The following GALNT16 variants were observed in gnomAD, a reference collection of about 807,000 sequenced individuals.
GALNT16 encodes the protein polypeptide N-acetylgalactosaminyltransferase 16.
Under a neutral mutation model 76.1 loss-of-function variants are expected in GALNT16, and 40 were observed. The ratio of observed to expected loss-of-function variants is 0.53; its 90% CI spans 0.41 to 0.68. The LOEUF is 0.68. Among genes scored for constraint, GALNT16 ranks in the 30% least tolerant of loss-of-function variants. The pLI is 0.00. For synonymous variants in GALNT16, 276 were observed against 285.2 expected, an observed-to-expected ratio of 0.97 and a Z score of 0.32; for missense variants, 621 against 731.9, an observed-to-expected ratio of 0.85 and a Z score of 1.75.
In GALNT16 at chr14:69,353,572, C is replaced by T. The variant is rs948682515; in HGVS notation, c.*1404C>T. On this transcript the variant is annotated 3_prime_UTR_variant, in exon 15 of 15. Coordinates refer to ENST00000448469, the MANE Select transcript of GALNT16 (RefSeq NM_001168368.2). ...TGGGGGTCTCCCCTACAAAGCAGAC[C>T]AGCCTGGGGCAGATATACCTACCAC... 2 of 152,240 alleles carry T rather than the reference C, an allele frequency of 1.3e-5. No individual in the cohort carries two copies. Among genetic ancestry groups the T allele is most frequent in the Non-Finnish European group, 2.9e-5 (2 of 68,090 alleles). The allele number at this position is 152,240 out of a possible 1,614,324, so 9.4% of individuals were successfully genotyped here.
intron 11 of GALNT16, among the ~76,000 whole-genome samples, chr14:69,341,239 G>A (rs1210793144): frequency 1.3e-5 from 2 of 152,120 alleles, no homozygotes; most frequent in Non-Finnish European, 2.9e-5. Context: ...TGAGGATGGC[G>A]GTGTCCCAAG....
intron 2 of GALNT16, among the ~76,000 whole-genome samples, chr14:69,323,350 T>C (rs553906010): frequency 6.6e-6 from 1 of 152,290 alleles, no homozygotes; most frequent in African/African-American, 2.4e-5. Context: ...CCCAGAGGCA[T>C]GCATGCCGAA....
At chr14:69,290,514 T>C (rs1330452098) in intron 1 of GALNT16, among the ~76,000 whole-genome samples, 2 of 152,204 alleles carry the variant, frequency 1.3e-5, no homozygotes, top group African/African-American at 4.8e-5. Context: ...GCTTTGCCCT[T>C]CGGTTTCATT....
At chr14:69,268,064 A>G (rs1471917310) in intron 1 of GALNT16, among the ~76,000 whole-genome samples, 1 of 152,124 alleles carries the variant, frequency 6.6e-6, no homozygotes, top group Non-Finnish European at 1.5e-5. Flanking sequence ...CCCTTGAAAC[A>G]TTGTCTGATG....
chr14:69,300,824 C>T (rs893690960), intron 1 of GALNT16, among the ~76,000 whole-genome samples: 1 of 152,172 alleles, frequency 6.6e-6, no homozygotes, highest in Non-Finnish European at 1.5e-5. Flanking sequence ...CCTCCCCGCC[C>T]CATCCCAAAG....
chr14:69,271,235 A>G (rs760328892), intron 1 of GALNT16, among the ~76,000 whole-genome samples: 2 of 152,170 alleles, frequency 1.3e-5, no homozygotes, highest in East Asian at 1.9e-4. Context: ...CTTCCAGACA[A>G]TGCAGCATCC....
At position 69,325,339 on chromosome 14, in the gene GALNT16, T is replaced by A; in HGVS notation, c.437T>A (p.Val146Asp). Residue 146 changes from valine to aspartate, a missense_variant and splice_region_variant, in exon 4 of 15, where the codon GTC becomes GAC. By Grantham distance (152) the Val-to-Asp change is radical. Transcript: ENST00000448469. ...RSTLLRTVKS[V>D]LNRTPANLIQ... ...CTCTGTTTCCACTGCTACTGTAGTGTCCTGAACCGAACTCCTGCCAACTTG... is the reference window on the plus strand; with the variant it reads ...CTCTGTTTCCACTGCTACTGTAGTGACCTGAACCGAACTCCTGCCAACTTG... 6.3e-7 allele frequency: 1 copy of A among 1,584,994 alleles called. No homozygotes were observed. Among genetic ancestry groups the A allele is most frequent in the Non-Finnish European group, 8.7e-7 (1 of 1,153,396 alleles).
At chr14:69,345,604 A>G (rs1269026210) in intron 12 of GALNT16, among the ~76,000 whole-genome samples, 2 of 151,798 alleles carry the variant, frequency 1.3e-5, no homozygotes, top group Non-Finnish European at 2.9e-5. Flanking sequence ...AGGCCTGGTG[A>G]CTCCTTAATC....
At chr14:69,285,302 G>A (rs1273543949) in intron 1 of GALNT16, among the ~76,000 whole-genome samples, 1 of 152,132 alleles carries the variant, frequency 6.6e-6, no homozygotes, top group African/African-American at 2.4e-5. Context: ...GGGATTGCAG[G>A]CTTGAGCCAC....
chr14:69,262,447 G>T (rs1223267123), intron 1 of GALNT16, among the ~76,000 whole-genome samples: 2 of 152,182 alleles, frequency 1.3e-5, no homozygotes, highest in Admixed American at 6.5e-5. Context: ...GAGGTCATGA[G>T]AATCACCAGT....
chr14:69,289,194 G>C (rs898526894), intron 1 of GALNT16, among the ~76,000 whole-genome samples: 11 of 152,126 alleles, frequency 7.2e-5, no homozygotes, highest in Non-Finnish European at 1.5e-4. Context: ...AAGTCTCATT[G>C]TTTTCCCTTT....
rs971128545 is a variant in GALNT16, at chr14:69,352,966, G to T, written c.*798G>T. Among the ~76,000 whole-genome samples the T allele has an allele frequency of 3.3e-5, 5 of 152,078 alleles. No individual in the cohort carries two copies. Among genetic ancestry groups the T allele is most frequent in the African/African-American group, 1.2e-4 (5 of 41,392 alleles). ...CAGAGGGATCTTTAGGGGAAGATTC[G>T]GGCGTAGTTTATTAAACAGACTCCA... is the stretch of plus-strand genomic sequence containing the variant. On this transcript the variant is annotated 3_prime_UTR_variant, in exon 15 of 15. Coordinates refer to ENST00000448469, the MANE Select transcript of GALNT16 (RefSeq NM_001168368.2).
the GALNT16 span, among the ~76,000 whole-genome samples, chr14:69,368,375 T>C: frequency 6.6e-6 from 1 of 152,172 alleles, no homozygotes; most frequent in Non-Finnish European, 1.5e-5. Flanking sequence ...GCAATCAGTG[T>C]GTCAAGCCAG....
the GALNT16 span, chr14:69,380,481 C>T: frequency 1.0e-5 from 10 of 958,618 alleles, no homozygotes; most frequent in Admixed American, 3.4e-5. Context: ...CACTACAGCA[C>T]GCTGTACACA....
chr14:69,290,579 C>A (rs1181482773), intron 1 of GALNT16, among the ~76,000 whole-genome samples: 1 of 152,180 alleles, frequency 6.6e-6, no homozygotes, highest in Non-Finnish European at 1.5e-5. Flanking sequence ...AATAGTAAGG[C>A]TCTCATTGAC....
At chr14:69,260,867 G>C (rs1594803308) in intron 1 of GALNT16, among the ~76,000 whole-genome samples, 1 of 151,986 alleles carries the variant, frequency 6.6e-6, no homozygotes. Flanking sequence ...ACTCGCAGCC[G>C]AGCGCGTAGG....
intron 14 of GALNT16, chr14:69,348,432 G>A (rs1015109336): frequency 1.5e-5 from 4 of 274,586 alleles, no homozygotes; most frequent in Admixed American, 4.9e-5. Flanking sequence ...GCTGAGGCTC[G>A]CTGAATCTAA....
At chr14:69,366,582 A>G in the GALNT16 span, among the ~76,000 whole-genome samples, 1 of 152,210 alleles carries the variant, frequency 6.6e-6, no homozygotes, top group Non-Finnish European at 1.5e-5. Context: ...TTTTGCTGTA[A>G]AACTCTCTGA....
Position 69,341,912 on chromosome 14 carries a change from G to C in GALNT16, c.1271+148G>C, listed in dbSNP as rs1282656736. 1.3e-5 allele frequency: 8 copies of C among 634,740 alleles called. No individual in the cohort carries two copies. In the Admixed American group the frequency reaches 1.8e-4, roughly 14 times the overall value. The allele number at this position is 634,740 out of a possible 1,614,324, so 39.3% of individuals were successfully genotyped here. A position where few individuals can be genotyped will look rare whatever the true frequency, so the allele number is the denominator to read the frequency against. ...GGTTTTATCTTCACGTGACGGCTGT[G>C]GGGGAACTGAGAGGGCATTACTAGG... On this transcript the variant is annotated intron_variant, in intron 12 of 14. Transcript: ENST00000448469.
Sources: allele counts gnomAD v4.1 joint callset (sites outside exome capture counted in the v4.1 genomes callset), GRCh38; gene constraint gnomAD v4.1.1; transcripts MANE v1.5; gene names NCBI Gene and HGNC (gene_info 2026-07-23, HGNC 2026-07-21).